Variants in LDLRAD3 observed in about 807,000 individuals in gnomAD.
LDLRAD3 encodes low density lipoprotein receptor class A domain containing 3.
LDLRAD3 carries 20 observed loss-of-function variants against 29.4 expected under a neutral mutation model. The observed-to-expected ratio is 0.68, with a 90% CI of 0.48 to 0.99. The LOEUF is 0.99. Among genes scored for constraint, LDLRAD3 ranks in the 50% least tolerant of loss-of-function variants. The pLI, the probability that LDLRAD3 is intolerant of heterozygous loss-of-function variation, is 0.00. For synonymous variants in LDLRAD3, 157 were observed against 192.7 expected (o/e 0.81, Z 1.53); for missense variants, 420 against 454.3 (o/e 0.92, Z 0.69).
intron 4 of LDLRAD3, among the ~76,000 whole-genome samples, chr11:36,187,568 A>G (rs1037356631): frequency 1.3e-5 from 2 of 152,188 alleles, no homozygotes; most frequent in Non-Finnish European, 2.9e-5. Context: ...ACTTTAGTCA[A>G]GGTGGACATA....
intron 4 of LDLRAD3, among the ~76,000 whole-genome samples, chr11:36,108,287 T>A (rs1330887072): frequency 8.7e-6 from 1 of 114,604 alleles, no homozygotes; most frequent in African/African-American, 3.5e-5. Flanking sequence ...GCCATTGCAC[T>A]CCAGCCTGGG....
At chr11:35,953,504 C>T (rs1054318594) in intron 1 of LDLRAD3, among the ~76,000 whole-genome samples, 2 of 152,122 alleles carry the variant, frequency 1.3e-5, no homozygotes, top group African/African-American at 4.8e-5. Context: ...TTTGGCTTAG[C>T]GAATGTCAGA....
chr11:35,965,218 C>T (rs1387513297), intron 1 of LDLRAD3, among the ~76,000 whole-genome samples: 1 of 152,174 alleles, frequency 6.6e-6, no homozygotes, highest in East Asian at 1.9e-4. Context: ...ATTATCCAAT[C>T]ATTATTTTCT....
At chr11:36,145,917 CTTGT>C (rs1185034494) in intron 4 of LDLRAD3, among the ~76,000 whole-genome samples, 1 of 151,160 alleles carries the variant, frequency 6.6e-6, no homozygotes, top group African/African-American at 2.4e-5. Context: ...CCTTTGTTCA[CTTGT>C]TTATCTGCTG....
At chr11:36,126,644 A>G (rs1242755254) in intron 4 of LDLRAD3, among the ~76,000 whole-genome samples, 1 of 152,166 alleles carries the variant, frequency 6.6e-6, no homozygotes, top group Non-Finnish European at 1.5e-5. Context: ...TTTCAGTGGA[A>G]GCTCATTCAC....
At chr11:36,182,743 T>G in intron 4 of LDLRAD3, among the ~76,000 whole-genome samples, 1 of 152,198 alleles carries the variant, frequency 6.6e-6, no homozygotes, top group East Asian at 1.9e-4. Context: ...CCCCTAATAG[T>G]GCATGCTACC....
intron 2 of LDLRAD3, among the ~76,000 whole-genome samples, chr11:36,074,715 C>T (rs187572387): frequency 6.6e-6 from 1 of 152,302 alleles, no homozygotes; most frequent in African/African-American, 2.4e-5. Context: ...ATTCTTCCCT[C>T]ATCCCTCAAA....
At chr11:36,152,433 C>T (rs1394632061) in intron 4 of LDLRAD3, among the ~76,000 whole-genome samples, 2 of 152,182 alleles carry the variant, frequency 1.3e-5, no homozygotes, top group East Asian at 1.9e-4. Context: ...TAGGAATTGA[C>T]CTTAAGTCAA....
chr11:36,227,564 C>A, intron 5 of LDLRAD3, 134 bp downstream of exon 5: 1 of 639,494 alleles, frequency 1.6e-6, no homozygotes, highest in Non-Finnish European at 2.5e-6. Context: ...CAGCATCTGA[C>A]ATTTGCCGAG....
chr11:35,953,431 C>CTT (rs1851162363), intron 1 of LDLRAD3, among the ~76,000 whole-genome samples: 1 of 152,162 alleles, frequency 6.6e-6, no homozygotes, highest in Admixed American at 6.5e-5. Flanking sequence ...GAAATGAAAG[C>CTT]ATAAAGGGTG....
intron 2 of LDLRAD3, among the ~76,000 whole-genome samples, chr11:36,048,119 C>T (rs908778891): frequency 4.6e-5 from 7 of 152,152 alleles, no homozygotes; most frequent in African/African-American, 1.7e-4. Context: ...GTTTTTGATC[C>T]AGGCTTTTTC....
chr11:36,023,956 T>C (rs1245742471), intron 1 of LDLRAD3, among the ~76,000 whole-genome samples: 1 of 152,208 alleles, frequency 6.6e-6, no homozygotes, highest in Admixed American at 6.5e-5. Context: ...GAGGCCATCA[T>C]GTATGAGAAG....
chr11:36,171,926 C>T (rs12278757), intron 4 of LDLRAD3, among the ~76,000 whole-genome samples: 134,959 of 152,230 alleles, frequency 0.89, 60,421 homozygotes, highest in Non-Finnish European at 0.95. Context: ...TAGTCATTTT[C>T]ACAATATTCT....
chr11:36,053,979 A>G (rs1353892972), intron 2 of LDLRAD3, among the ~76,000 whole-genome samples: 1 of 152,192 alleles, frequency 6.6e-6, no homozygotes, highest in East Asian at 1.9e-4. Context: ...TGTAGGGTAT[A>G]TTTCAGAAGA....
chr11:36,224,621 T>A (rs996094313), intron 4 of LDLRAD3, among the ~76,000 whole-genome samples: 2 of 152,202 alleles, frequency 1.3e-5, no homozygotes, highest in African/African-American at 4.8e-5. Context: ...TTCTGTGCAA[T>A]GAATCATTGA....
chr11:35,979,668 A>G (rs1194784753), intron 1 of LDLRAD3, among the ~76,000 whole-genome samples: 1 of 152,190 alleles, frequency 6.6e-6, no homozygotes, highest in Non-Finnish European at 1.5e-5. Flanking sequence ...TTCTGAAGAC[A>G]TTGGGAGAAG....
chr11:36,164,097 C>T (rs1029387056), intron 4 of LDLRAD3, among the ~76,000 whole-genome samples: 3 of 152,182 alleles, frequency 2.0e-5, no homozygotes, highest in Admixed American at 2.0e-4. Context: ...CTTACCACTG[C>T]CCTGGGTGAT....
intron 4 of LDLRAD3, among the ~76,000 whole-genome samples, chr11:36,164,123 G>C (rs572395002): frequency 6.6e-6 from 1 of 152,316 alleles, no homozygotes; most frequent in South Asian, 2.1e-4. Flanking sequence ...AGGTCACACA[G>C]GAGCTGATAT....
intron 2 of LDLRAD3, among the ~76,000 whole-genome samples, chr11:36,042,984 C>G (rs935308706): frequency 6.6e-6 from 1 of 151,038 alleles, no homozygotes; most frequent in Non-Finnish European, 1.5e-5. Context: ...CAAACTAATA[C>G]GACCATCAAA....
Sources: allele counts gnomAD v4.1 joint callset (sites outside exome capture counted in the v4.1 genomes callset), GRCh38; gene constraint gnomAD v4.1.1; transcripts MANE v1.5; gene names NCBI Gene and HGNC (gene_info 2026-07-23, HGNC 2026-07-21).